SORBS2: variants seen among roughly 807,000 people sequenced by gnomAD.
The protein encoded by SORBS2 is sorbin and SH3 domain-containing protein 2.
Under a neutral mutation model 97.7 loss-of-function variants are expected in SORBS2, and 46 were observed. That is an observed-to-expected ratio of 0.47 (90% confidence interval 0.37 to 0.60). The LOEUF (loss-of-function observed/expected upper bound fraction) is 0.60. SORBS2 is among the 20% of genes least tolerant of loss of function. The probability of loss-of-function intolerance (pLI) is 0.00; values close to 1 mark genes in which losing one functional copy is unlikely to be tolerated. For synonymous variants in SORBS2, 476 were observed against 473.4 expected, an observed-to-expected ratio of 1.01 and a Z score of -0.07; for missense variants, 1,316 against 1,282.3, an observed-to-expected ratio of 1.03 and a Z score of -0.40.
intron 1 of SORBS2, among the ~76,000 whole-genome samples, chr4:185,882,238 G>A (rs1423300676): frequency 6.6e-6 from 1 of 151,956 alleles, no homozygotes; most frequent in Non-Finnish European, 1.5e-5. Context: ...CTAATGAGTG[G>A]GTCTAGAAGG....
chr4:185,875,499 G>A (rs962831999), intron 1 of SORBS2, among the ~76,000 whole-genome samples: 4 of 152,220 alleles, frequency 2.6e-5, no homozygotes, highest in African/African-American at 9.7e-5. Context: ...AGTCTGCATA[G>A]GAAGTATGTT....
At chr4:185,685,529 C>T (rs2153510801) in intron 2 of SORBS2, among the ~76,000 whole-genome samples, 1 of 152,172 alleles carries the variant, frequency 6.6e-6, no homozygotes, top group South Asian at 2.1e-4. Flanking sequence ...ATTGCTTTTA[C>T]TTTTTAAATT....
At chr4:185,874,386 T>C (rs549674822) in intron 1 of SORBS2, among the ~76,000 whole-genome samples, 2 of 152,304 alleles carry the variant, frequency 1.3e-5, no homozygotes, top group East Asian at 3.9e-4. Context: ...AGAGAATCTG[T>C]TCATTGGAAT....
At chr4:185,675,773 AT>A (rs2097781937) in intron 4 of SORBS2, among the ~76,000 whole-genome samples, 1 of 152,170 alleles carries the variant, frequency 6.6e-6, no homozygotes, top group South Asian at 2.1e-4. Flanking sequence ...CTTTCAGAAG[AT>A]ATTACCTTAA....
chr4:185,611,150 T>C (rs1476392859), intron 12 of SORBS2, among the ~76,000 whole-genome samples: 4 of 152,128 alleles, frequency 2.6e-5, no homozygotes, highest in Non-Finnish European at 5.9e-5. Flanking sequence ...GGACTTATAA[T>C]AACCGACAAC....
intron 2 of SORBS2, among the ~76,000 whole-genome samples, chr4:185,682,367 G>A (rs896248833): frequency 2.6e-5 from 4 of 152,152 alleles, no homozygotes; most frequent in Non-Finnish European, 1.5e-5. Context: ...TCATTGTCTT[G>A]GTTTTGGCAT....
intron 1 of SORBS2, among the ~76,000 whole-genome samples, chr4:185,811,326 C>T (rs968306848): frequency 7.9e-5 from 12 of 152,144 alleles, no homozygotes; most frequent in African/African-American, 2.9e-4. Context: ...AAGTGCAGGT[C>T]ACGAAAGAAT....
At chr4:185,827,810 CCAT>C (rs770751038) in intron 1 of SORBS2, among the ~76,000 whole-genome samples, 3 of 133,262 alleles carry the variant, frequency 2.3e-5, no homozygotes, top group Non-Finnish European at 4.8e-5. Flanking sequence ...GTCATCATCA[CCAT>C]CATCACCGTC....
At chr4:185,922,321 G>T (rs2099261288) in intron 1 of SORBS2, among the ~76,000 whole-genome samples, 1 of 152,156 alleles carries the variant, frequency 6.6e-6, no homozygotes, top group Non-Finnish European at 1.5e-5. Context: ...CACTCAGAAT[G>T]ATTTCTAGTG....
intron 2 of SORBS2, among the ~76,000 whole-genome samples, chr4:185,769,166 T>G (rs2098955012): frequency 6.6e-6 from 1 of 152,248 alleles, no homozygotes; most frequent in Admixed American, 6.5e-5. Flanking sequence ...TTTCAGATTT[T>G]TTCAGATTTT....
At chr4:185,637,942 G>A (rs751961189) in intron 4 of SORBS2, 137 bp downstream of exon 15, 19 of 640,014 alleles carry the variant, frequency 3.0e-5, no homozygotes, top group Admixed American at 1.2e-4. Flanking sequence ...TCTGGACTAC[G>A]CTGTACCAAG....
At chr4:185,885,185 T>C (rs1301518302) in intron 1 of SORBS2, among the ~76,000 whole-genome samples, 1 of 152,222 alleles carries the variant, frequency 6.6e-6, no homozygotes, top group Non-Finnish European at 1.5e-5. Flanking sequence ...TAGAAGTAAG[T>C]GGTCTTTGTA....
intron 1 of SORBS2, among the ~76,000 whole-genome samples, chr4:185,954,769 T>G (rs1456228927): frequency 6.6e-6 from 1 of 151,956 alleles, no homozygotes; most frequent in African/African-American, 2.4e-5. Flanking sequence ...ACAAGACTGG[T>G]CAACATGGCA....
At chr4:185,848,973 C>T (rs893859910) in intron 1 of SORBS2, among the ~76,000 whole-genome samples, 3 of 152,132 alleles carry the variant, frequency 2.0e-5, no homozygotes, top group Admixed American at 6.6e-5. Context: ...ATTAAAGAAG[C>T]ACACAGTAGT....
At chr4:185,910,199 A>T (rs1281932130) in intron 1 of SORBS2, among the ~76,000 whole-genome samples, 1 of 152,126 alleles carries the variant, frequency 6.6e-6, no homozygotes, top group Non-Finnish European at 1.5e-5. Flanking sequence ...ACTACAAGTA[A>T]TAGCACTGGA....
intron 2 of SORBS2, among the ~76,000 whole-genome samples, chr4:185,715,322 C>T (rs941363938): frequency 5.3e-5 from 8 of 152,150 alleles, no homozygotes; most frequent in African/African-American, 1.9e-4. Context: ...TTAATTTAGT[C>T]TCCAGCAATT....
At chr4:185,671,514 A>T (rs1239470177) in intron 4 of SORBS2, among the ~76,000 whole-genome samples, 1 of 152,200 alleles carries the variant, frequency 6.6e-6, no homozygotes, top group Non-Finnish European at 1.5e-5. Context: ...CCCATCTCTT[A>T]AAGCCTGTAA....
intron 1 of SORBS2, among the ~76,000 whole-genome samples, chr4:185,896,279 C>T (rs2099244996): frequency 6.6e-6 from 1 of 152,180 alleles, no homozygotes; most frequent in African/African-American, 2.4e-5. Flanking sequence ...TACAAATCCT[C>T]AGAGAAAGGA....
intron 1 of SORBS2, among the ~76,000 whole-genome samples, chr4:185,870,540 T>A (rs2099229814): frequency 6.6e-6 from 1 of 152,256 alleles, no homozygotes; most frequent in African/African-American, 2.4e-5. Context: ...GAGACCGAAC[T>A]GCTGTCAGCA....
Sources: allele counts gnomAD v4.1 joint callset (sites outside exome capture counted in the v4.1 genomes callset), GRCh38; gene constraint gnomAD v4.1.1; transcripts MANE v1.5; gene names NCBI Gene and HGNC (gene_info 2026-07-23, HGNC 2026-07-21).